The following ANKFN1 variants were observed in gnomAD, a reference collection of about 807,000 sequenced individuals.
ANKFN1 encodes ankyrin repeat and fibronectin type III domain containing 1, also known as ankyrin repeat and fibronectin type-III domain-containing protein 1.
ANKFN1 carries 74 observed loss-of-function variants against 108.7 expected under a neutral mutation model. That is an observed-to-expected ratio of 0.68 (90% confidence interval 0.56 to 0.83). The LOEUF is 0.83. ANKFN1 is among the 40% of genes least tolerant of loss of function. ANKFN1 has a pLI of 0.00. For missense variants in ANKFN1, 1,505 were observed against 1,382.3 expected (o/e 1.09, Z -1.41); for synonymous variants, 547 against 516.2 (o/e 1.06, Z -0.81).
In ANKFN1 at chr17:56,511,244, C is replaced by T; in HGVS notation, c.3416C>T (p.Ser1139Leu). 1 of 1,530,696 alleles carries T rather than the reference C, an allele frequency of 6.5e-7. No homozygotes were observed. The highest frequency in any genetic ancestry group is 8.7e-7 in the Non-Finnish European group (1 of 1,143,474). 94.8% of individuals were successfully genotyped at this position (1,530,696 alleles called of 1,614,324 possible). The change falls in exon 21 of 21, where the codon TCA (serine) becomes TTA (leucine). Residue 1139 changes from serine (S) to leucine (L), a missense_variant. Transcript: ENST00000682825. ...GAGGGCCCCACCGCCTCTCCCATGT[C>T]AGAAATACTCAGCAGCATGCTTTAG... The part of the protein sequence containing the change: ...SQEGPTASPM[S>L]EILSSML
At chr17:56,289,464 T>C (rs1338158480) in intron 3 of ANKFN1, among the ~76,000 whole-genome samples, 5 of 152,208 alleles carry the variant, frequency 3.3e-5, no homozygotes, top group Non-Finnish European at 7.3e-5. Flanking sequence ...CCTCAGCTCC[T>C]TACCAGTGTG....
At chr17:56,349,564 T>G (rs2046194282) in intron 4 of ANKFN1, among the ~76,000 whole-genome samples, 1 of 152,038 alleles carries the variant, frequency 6.6e-6, no homozygotes, top group African/African-American at 2.4e-5. Context: ...TATAATAGAC[T>G]CTCATATGTG....
At chr17:56,394,074 T>C (rs1410732173) in intron 8 of ANKFN1, among the ~76,000 whole-genome samples, 1 of 152,216 alleles carries the variant, frequency 6.6e-6, no homozygotes, top group Non-Finnish European at 1.5e-5. Flanking sequence ...AACATAAGAA[T>C]TCACTTTGCA....
At chr17:56,082,020 G>A (rs772241405) in intron 4 of ANKFN1, among the ~76,000 whole-genome samples, 2 of 152,228 alleles carry the variant, frequency 1.3e-5, no homozygotes, top group Middle Eastern at 3.4e-3. Context: ...TGCTGGCTGC[G>A]ACCAATTATT....
intron 3 of ANKFN1, among the ~76,000 whole-genome samples, chr17:56,266,559 T>C (rs1226772595): frequency 6.6e-6 from 1 of 152,202 alleles, no homozygotes; most frequent in African/African-American, 2.4e-5. Context: ...CCTGTGTAAG[T>C]TGAGATCTTC....
rs767621474 is a variant in ANKFN1, at chr17:56,072,297, C to CT, written c.288+25978dup. Among the ~76,000 whole-genome samples, 7 of 151,834 alleles carry CT rather than the reference C, an allele frequency of 4.6e-5. No homozygotes were observed. The East Asian group carries it at 1.3e-3, about 29-fold the overall frequency. ...TACTTAACTGTCTTTCATTCATTTCCTTTTTTAACTCTTATTGATATGTAG... is the reference window on the plus strand; with the variant it reads ...TACTTAACTGTCTTTCATTCATTTCCTTTTTTTAACTCTTATTGATATGTAG... On this transcript the variant is annotated intron_variant, in intron 4 of 12. Transcript: ENST00000635860.
intron 2 of ANKFN1, among the ~76,000 whole-genome samples, chr17:56,217,515 A>G (rs1173619192): frequency 1.3e-5 from 2 of 152,162 alleles, no homozygotes; most frequent in African/African-American, 4.8e-5. Context: ...ATGTTTTGTG[A>G]CATTTTTGTT....
At chr17:56,493,869 C>T (rs367954043) in intron 19 of ANKFN1, among the ~76,000 whole-genome samples, 12 of 152,238 alleles carry the variant, frequency 7.9e-5, no homozygotes, top group Non-Finnish European at 1.8e-4. Flanking sequence ...TTAAGATGAA[C>T]GAACGCTGTG....
rs1226624833 is a variant in ANKFN1, at chr17:56,492,479, A to G, written c.2427+126A>G. 4.2e-5 allele frequency: 24 copies of G among 564,810 alleles called. No individual in the cohort carries two copies. In the East Asian group the frequency reaches 5.0e-4, roughly 12 times the overall value. The allele number at this position is 564,810 out of a possible 1,614,324, so 35.0% of individuals were successfully genotyped here. A position where few individuals can be genotyped will look rare whatever the true frequency, so the allele number is the denominator to read the frequency against. On this transcript the variant is annotated intron_variant, in intron 19 of 20. Transcript: ENST00000682825. ...AAAGAACACGGTGTGTAAGTTGCCT[A>G]TTGAGTTGGTTAAAATGTGGAGCTC...
intron 8 of ANKFN1, among the ~76,000 whole-genome samples, chr17:56,415,036 A>C (rs975980352): frequency 2.6e-5 from 4 of 151,998 alleles, no homozygotes; most frequent in African/African-American, 7.2e-5. Context: ...AGAAAAAAAA[A>C]CCCTCAAAAA....
At chr17:56,391,245 A>ATATG (rs1289164734) in intron 8 of ANKFN1, among the ~76,000 whole-genome samples, 5 of 30,430 alleles carry the variant, frequency 1.6e-4, no homozygotes, top group South Asian at 1.8e-3. Context: ...ATATATATAT[A>ATATG]TATGTATGTG....
At chr17:56,474,537 G>A (rs527308987) in intron 15 of ANKFN1, among the ~76,000 whole-genome samples, 22 of 152,132 alleles carry the variant, frequency 1.4e-4, no homozygotes, top group African/African-American at 5.1e-4. Flanking sequence ...GGGTCGTTCC[G>A]TGTTTCTCCC....
chr17:56,193,820 T>C (rs1913241319), intron 1 of ANKFN1, among the ~76,000 whole-genome samples: 1 of 152,328 alleles, frequency 6.6e-6, no homozygotes, highest in South Asian at 2.1e-4. Flanking sequence ...CAAAAGATAC[T>C]GTCAAAAGAA....
At chr17:56,176,119 A>G (rs888283413) in intron 1 of ANKFN1, among the ~76,000 whole-genome samples, 10 of 152,158 alleles carry the variant, frequency 6.6e-5, no homozygotes, top group Non-Finnish European at 8.8e-5. Flanking sequence ...GGGGGGCTCC[A>G]GCCAGCTTGG....
At chr17:56,348,768 C>G (rs2046170235) in intron 4 of ANKFN1, among the ~76,000 whole-genome samples, 1 of 152,010 alleles carries the variant, frequency 6.6e-6, no homozygotes, top group African/African-American at 2.4e-5. Context: ...GTGGAGAAAA[C>G]AAAACACTTT....
intron 19 of ANKFN1, among the ~76,000 whole-genome samples, chr17:56,495,759 AAGCTGTAATAGAAACAC>A (rs2051182838): frequency 6.6e-6 from 1 of 152,166 alleles, no homozygotes; most frequent in Admixed American, 6.5e-5. Context: ...AAATGCTCCT[AAGCTGTAATAGAAACAC>A]AGCTCATTAA....
chr17:56,385,578 A>G (rs1457049215), intron 8 of ANKFN1, among the ~76,000 whole-genome samples: 2 of 152,214 alleles, frequency 1.3e-5, no homozygotes, highest in Admixed American at 6.5e-5. Flanking sequence ...TCATCTGACA[A>G]TGGGCTAATA....
intron 8 of ANKFN1, among the ~76,000 whole-genome samples, chr17:56,406,040 A>G (rs1039375078): frequency 2.1e-4 from 32 of 152,130 alleles, no homozygotes; most frequent in Admixed American, 9.8e-4. Flanking sequence ...AAAAGGATCA[A>G]AATAAAAATA....
At chr17:56,139,804 AC>A (rs1221271373) in intron 4 of ANKFN1, among the ~76,000 whole-genome samples, 2 of 151,888 alleles carry the variant, frequency 1.3e-5, no homozygotes, top group South Asian at 4.2e-4. Context: ...CACATTACCA[AC>A]TTTTTTGTAT....
Sources: gnomAD v4.1 joint callset for allele counts (sites outside exome capture counted in the v4.1 genomes callset) on GRCh38, gnomAD v4.1.1 for gene constraint, MANE v1.5 for transcripts, NCBI Gene and HGNC (gene_info 2026-07-23, HGNC 2026-07-21) for gene names.